SPATA16: variants seen among roughly 807,000 people sequenced by gnomAD.
SPATA16 encodes spermatogenesis associated 16, also known as spermatogenesis-associated protein 16.
In SPATA16, 36 loss-of-function variants were observed where a neutral mutation model predicts 63.3. That is an observed-to-expected ratio of 0.57 (90% CI 0.44 to 0.75). The LOEUF is 0.75. Among genes scored for constraint, SPATA16 ranks in the 30% least tolerant of loss-of-function variants. The pLI, the probability that SPATA16 is intolerant of heterozygous loss-of-function variation, is 0.00. For synonymous variants in SPATA16, 203 were observed against 216.7 expected, an observed-to-expected ratio of 0.94 and a Z score of 0.56; for missense variants, 646 against 679.3, an observed-to-expected ratio of 0.95 and a Z score of 0.54.
rs200608603 is a variant in SPATA16, at chr3:173,007,092, C to CA, written c.848+12393dup. On this transcript the variant is annotated intron_variant, in intron 4 of 10. Coordinates refer to ENST00000351008, the MANE Select transcript of SPATA16 (RefSeq NM_031955.6). ...GAGCAGGTTTCAAATATCTCAAACT[C>CA]AGAGTGTCAAAATAAAATAAAACAA... Among the ~76,000 whole-genome samples, 492 of 152,200 alleles carry CA rather than the reference C, an allele frequency of 3.2e-3. 4 individuals are homozygous for CA. Among genetic ancestry groups the CA allele is most frequent in the East Asian group, 0.021 (108 of 5,178 alleles).
intron 6 of SPATA16, among the ~76,000 whole-genome samples, chr3:172,938,223 G>C (rs1733056102): frequency 6.6e-6 from 1 of 152,128 alleles, no homozygotes; most frequent in Non-Finnish European, 1.5e-5. Flanking sequence ...AAAAACATTA[G>C]ATTATTTAAC....
chr3:172,925,142 A>G (rs944413426), intron 7 of SPATA16, among the ~76,000 whole-genome samples: 2 of 152,016 alleles, frequency 1.3e-5, no homozygotes, highest in Admixed American at 6.6e-5. Flanking sequence ...GGGTAAGATG[A>G]TTAGATGATT....
chr3:173,041,658 C>G (rs1054506654), intron 3 of SPATA16, among the ~76,000 whole-genome samples: 1 of 151,944 alleles, frequency 6.6e-6, no homozygotes, highest in African/African-American at 2.4e-5. Flanking sequence ...TATTATTTTA[C>G]TATAGTATTG....
intron 2 of SPATA16, among the ~76,000 whole-genome samples, chr3:173,072,195 A>C (rs2108307891): frequency 6.6e-6 from 1 of 152,352 alleles, no homozygotes; most frequent in East Asian, 1.9e-4. Flanking sequence ...TGGATAAAGA[A>C]AATGTGGCAC....
At chr3:173,134,385 A>G (rs548045221) in intron 1 of SPATA16, among the ~76,000 whole-genome samples, 1 of 152,170 alleles carries the variant, frequency 6.6e-6, no homozygotes, top group African/African-American at 2.4e-5. Context: ...GCTACTCAAG[A>G]GGCTGAGGCA....
In SPATA16 at chr3:172,977,122, C is replaced by T. The variant is rs139613614; in HGVS notation, c.849-70G>A. ...AGGACAGAAGGAAAACCATAACAGGCACTATATACAAATACTGAGGAAGAT... is the reference window on the plus strand; with the variant it reads ...AGGACAGAAGGAAAACCATAACAGGTACTATATACAAATACTGAGGAAGAT... On this transcript the variant is annotated intron_variant, in intron 4 of 10. Transcript: ENST00000351008. The T allele has an allele frequency of 1.5e-5, 18 of 1,208,108 alleles. No individual in the cohort carries two copies. The African/African-American group carries it at 1.9e-4, about 13-fold the overall frequency. The allele number at this position is 1,208,108 out of a possible 1,614,324, so 74.8% of individuals were successfully genotyped here. A position where few individuals can be genotyped will look rare whatever the true frequency, so the allele number is the denominator to read the frequency against.
At chr3:173,093,074 C>CATAT (rs1366540896) in intron 2 of SPATA16, among the ~76,000 whole-genome samples, 11 of 146,140 alleles carry the variant, frequency 7.5e-5, no homozygotes, top group South Asian at 6.6e-4. Flanking sequence ...CACACACACA[C>CATAT]ACATATATAT....
At chr3:173,064,636 G>C (rs1736472208) in intron 2 of SPATA16, among the ~76,000 whole-genome samples, 1 of 152,144 alleles carries the variant, frequency 6.6e-6, no homozygotes, top group African/African-American at 2.4e-5. Flanking sequence ...AAGTTAACTA[G>C]GACTTACAAC....
intron 6 of SPATA16, among the ~76,000 whole-genome samples, chr3:172,931,348 C>G (rs1273936371): frequency 6.6e-6 from 1 of 152,178 alleles, no homozygotes; most frequent in Non-Finnish European, 1.5e-5. Flanking sequence ...TCAGGCAATC[C>G]TCCTGCCTCA....
chr3:173,103,736 C>G (rs189070743), intron 2 of SPATA16, among the ~76,000 whole-genome samples: 1 of 152,310 alleles, frequency 6.6e-6, no homozygotes, highest in Non-Finnish European at 1.5e-5. Context: ...GAGGCCTTTC[C>G]CCCATTTTCT....
intron 10 of SPATA16, among the ~76,000 whole-genome samples, chr3:172,898,558 GT>G (rs1732058495): frequency 2.0e-5 from 3 of 150,938 alleles, no homozygotes; most frequent in African/African-American, 7.3e-5. Flanking sequence ...CTGTAGTGAT[GT>G]TCCATTTCAT....
intron 1 of SPATA16, among the ~76,000 whole-genome samples, chr3:173,131,152 T>A (rs1268615430): frequency 6.6e-6 from 1 of 152,112 alleles, no homozygotes; most frequent in Non-Finnish European, 1.5e-5. Flanking sequence ...AAGAACTGCT[T>A]GGAAAAAAAA....
chr3:172,975,874 A>G (rs1734147196), intron 5 of SPATA16, among the ~76,000 whole-genome samples: 1 of 152,054 alleles, frequency 6.6e-6, no homozygotes, highest in Admixed American at 6.6e-5. Flanking sequence ...AACATATAAT[A>G]TAGAGAGACA....
chr3:173,032,951 C>CTA (rs1735638642), intron 3 of SPATA16, among the ~76,000 whole-genome samples: 1 of 151,286 alleles, frequency 6.6e-6, no homozygotes, highest in Non-Finnish European at 1.5e-5. Context: ...CTAATCATAT[C>CTA]TAAGGTTCAT....
Position 173,058,520 on chromosome 3 carries a change from T to G in SPATA16, c.613-9426A>C, listed in dbSNP as rs183240522. Among the ~76,000 whole-genome samples the G allele has an allele frequency of 1.9e-4, 29 of 152,248 alleles. No homozygotes were observed. In the East Asian group the frequency reaches 5.4e-3, roughly 28 times the overall value. ...TGCTCTCCAGAAAAGTTTTACACTT[T>G]TGCAACAAGGTAAAAGTTCTTGTTT... On this transcript the variant is annotated intron_variant, in intron 2 of 10. Coordinates refer to ENST00000351008, the MANE Select transcript of SPATA16 (RefSeq NM_031955.6).
At chr3:173,025,155 A>G (rs1324783582) in intron 3 of SPATA16, among the ~76,000 whole-genome samples, 2 of 151,350 alleles carry the variant, frequency 1.3e-5, no homozygotes, top group East Asian at 1.9e-4. Flanking sequence ...AAATTAATAA[A>G]TGGTTCAGTG....
In SPATA16 at chr3:173,117,409, A is replaced by T; in HGVS notation, c.323T>A (p.Ile108Asn). The change falls in exon 2 of 11, where the codon ATC becomes AAC. Residue 108 changes from isoleucine to asparagine, a missense_variant. Coordinates refer to ENST00000351008, the MANE Select transcript of SPATA16 (RefSeq NM_031955.6). ...AKITELDNQL[I>N]TMPLPHIPLK... is the part of the protein sequence containing the mutation. ...GGGGATGTGAGGCAGAGGCATGGTGATTAACTGATTGTCAAGTTCTGTTAT... is the reference window on the plus strand; with the variant it reads ...GGGGATGTGAGGCAGAGGCATGGTGTTTAACTGATTGTCAAGTTCTGTTAT... 2 of 1,614,150 alleles carry T rather than the reference A, an allele frequency of 1.2e-6. No individual in the cohort carries two copies. The highest frequency in any genetic ancestry group is 1.7e-6 in the Non-Finnish European group (2 of 1,180,012).
chr3:172,933,383 G>A (rs1163753001), intron 6 of SPATA16, among the ~76,000 whole-genome samples: 9 of 152,004 alleles, frequency 5.9e-5, no homozygotes, highest in African/African-American at 1.2e-4. Context: ...CATTTCCCTC[G>A]GTCCCTGTTA....
At chr3:172,902,398 C>G (rs1198513223) in intron 10 of SPATA16, among the ~76,000 whole-genome samples, 1 of 152,156 alleles carries the variant, frequency 6.6e-6, no homozygotes, top group Non-Finnish European at 1.5e-5. Flanking sequence ...CAAATCTACT[C>G]TATATTCTTC....
Sources: allele counts gnomAD v4.1 joint callset (sites outside exome capture counted in the v4.1 genomes callset), GRCh38; gene constraint gnomAD v4.1.1; transcripts MANE v1.5; gene names NCBI Gene and HGNC (gene_info 2026-07-23, HGNC 2026-07-21).